NALF1: variants seen among roughly 807,000 people sequenced by gnomAD.
NALF1 encodes the protein NALCN channel auxiliary factor 1, also known as family with sequence similarity 155 member A.
NALF1 carries 3 observed loss-of-function variants against 48.4 expected under a neutral mutation model. That is an observed-to-expected ratio of 0.06 (90% CI 0.03 to 0.16). The LOEUF is 0.16. Ranked by LOEUF, NALF1 falls within the 10% of genes least tolerant of loss-of-function variation. The pLI is 1.00. For synonymous variants in NALF1, 262 were observed against 245.7 expected, an observed-to-expected ratio of 1.07 and a Z score of -0.62; for missense variants, 526 against 571.5, an observed-to-expected ratio of 0.92 and a Z score of 0.81.
chr13:107,768,085 CTTTGGCCTGTCACTTCAA>C (rs1877467784), intron 1 of NALF1, among the ~76,000 whole-genome samples: 4 of 152,096 alleles, frequency 2.6e-5, no homozygotes, highest in African/African-American at 9.7e-5. Flanking sequence ...GTCTTGTGTC[CTTTGGCCTGTCACTTCAA>C]TCGTCTGAGG....
intron 1 of NALF1, among the ~76,000 whole-genome samples, chr13:107,356,720 A>C (rs1417928398): frequency 6.6e-6 from 1 of 152,180 alleles, no homozygotes; most frequent in Admixed American, 6.5e-5. Context: ...AGTTTTTTGA[A>C]GTTTATGATT....
At chr13:107,274,303 G>C (rs1420294357) in intron 1 of NALF1, among the ~76,000 whole-genome samples, 1 of 152,120 alleles carries the variant, frequency 6.6e-6, no homozygotes, top group Non-Finnish European at 1.5e-5. Flanking sequence ...CAAGATGGTG[G>C]CTCACACCTG....
intron 1 of NALF1, among the ~76,000 whole-genome samples, chr13:107,545,767 C>T (rs117012936): frequency 0.019 from 2,849 of 151,988 alleles, 45 homozygotes; most frequent in Non-Finnish European, 0.025. Context: ...ATAGGCAGTG[C>T]GAGATGGTAT....
chr13:107,544,976 C>T (rs946731967), intron 1 of NALF1, among the ~76,000 whole-genome samples: 3 of 152,170 alleles, frequency 2.0e-5, no homozygotes, highest in Non-Finnish European at 4.4e-5. Context: ...CAGTGACACA[C>T]TGTGCTGAAT....
At chr13:107,241,021 C>T (rs967812872) in intron 1 of NALF1, among the ~76,000 whole-genome samples, 5 of 138,036 alleles carry the variant, frequency 3.6e-5, no homozygotes, top group African/African-American at 1.1e-4. Flanking sequence ...TGAGACCAGC[C>T]TGGCCAACGT....
chr13:107,239,738 C>G (rs1880428605), intron 1 of NALF1, among the ~76,000 whole-genome samples: 1 of 152,114 alleles, frequency 6.6e-6, no homozygotes, highest in Admixed American at 6.5e-5. Context: ...ACATAGTGGT[C>G]TAGAGCTCAG....
chr13:107,866,873 T>G lies in NALF1; in HGVS notation c.-277A>C. 2 of 454,720 alleles carry G rather than the reference T, an allele frequency of 4.4e-6. No homozygotes were observed. Among genetic ancestry groups the G allele is most frequent in the African/African-American group, 2.0e-5 (1 of 49,436 alleles). The allele number at this position is 454,720 out of a possible 1,614,324, so 28.2% of individuals were successfully genotyped here. ...GCTTCCTAATCATCAGCCGACCCCA[T>G]CCTCTGTAGAGTGGGAAACAATAAT... On this transcript the variant is annotated 5_prime_UTR_variant, in exon 1 of 3. An upstream start codon of the reference 5' UTR is lost. Coordinates refer to ENST00000375915, the MANE Select transcript of NALF1 (RefSeq NM_001080396.3). This position sits in a 1 kb window ranked among gnomAD's most constrained non-coding sequence, Gnocchi z 4.4.
intron 1 of NALF1, among the ~76,000 whole-genome samples, chr13:107,323,497 T>G (rs957134898): frequency 6.6e-6 from 1 of 152,150 alleles, no homozygotes; most frequent in Non-Finnish European, 1.5e-5. Flanking sequence ...CACCTCAAAT[T>G]TTTTTTCTCT....
chr13:107,504,409 GTAAA>G (rs1351293573), intron 1 of NALF1, among the ~76,000 whole-genome samples: 3 of 152,060 alleles, frequency 2.0e-5, no homozygotes, highest in Admixed American at 6.6e-5. Context: ...TTTTTGTTAA[GTAAA>G]TAGATTTAAG....
intron 1 of NALF1, among the ~76,000 whole-genome samples, chr13:107,573,446 T>A (rs988994590): frequency 3.9e-5 from 6 of 152,080 alleles, no homozygotes; most frequent in Non-Finnish European, 7.4e-5. Context: ...CTGCACCAAA[T>A]ATACCTCTCT....
intron 1 of NALF1, among the ~76,000 whole-genome samples, chr13:107,491,271 A>G (rs549542173): frequency 3.3e-4 from 50 of 152,358 alleles, no homozygotes; most frequent in African/African-American, 1.1e-3. Flanking sequence ...GGTCACATAG[A>G]AATGACTTTG....
chr13:107,721,939 T>C (rs1157822251), intron 1 of NALF1, among the ~76,000 whole-genome samples: 3 of 152,210 alleles, frequency 2.0e-5, no homozygotes, highest in Admixed American at 6.5e-5. Context: ...TGTTTATTCA[T>C]ACATGCTGGC....
At chr13:107,793,366 G>C (rs536699676) in intron 1 of NALF1, among the ~76,000 whole-genome samples, 31 of 152,194 alleles carry the variant, frequency 2.0e-4, no homozygotes, top group African/African-American at 7.5e-4. Flanking sequence ...AACTGGTTAT[G>C]ATGCAAGAAT....
At chr13:107,216,018 T>G (rs1566453991) in intron 1 of NALF1, among the ~76,000 whole-genome samples, 1 of 152,196 alleles carries the variant, frequency 6.6e-6, no homozygotes, top group Non-Finnish European at 1.5e-5. Context: ...TGTCAGATAT[T>G]AAAAATGGTT....
chr13:107,262,769 G>GCGCGCTCTCTCT (rs36027059), intron 1 of NALF1, among the ~76,000 whole-genome samples: 1 of 144,034 alleles, frequency 6.9e-6, no homozygotes, highest in East Asian at 2.1e-4. Flanking sequence ...ACCCACAGGC[G>GCGCGCTCTCTCT]CTCTCTCTCT....
chr13:107,280,815 T>G (rs555582606), intron 1 of NALF1, among the ~76,000 whole-genome samples: 1 of 152,224 alleles, frequency 6.6e-6, no homozygotes, highest in Non-Finnish European at 1.5e-5. Context: ...ACTATGAGAT[T>G]ATACACTTTT....
intron 1 of NALF1, among the ~76,000 whole-genome samples, chr13:107,797,857 T>A (rs372312064): frequency 1.5e-4 from 23 of 152,330 alleles, no homozygotes; most frequent in African/African-American, 5.1e-4. Flanking sequence ...ATACTTTTTG[T>A]TATTTTTCTA....
rs1875426286 is a variant in NALF1, at chr13:107,707,354, A to C, written c.915+158328T>G. Among the ~76,000 whole-genome samples the C allele has an allele frequency of 3.3e-5, 5 of 152,328 alleles. No individual in the cohort carries two copies. In the South Asian group the frequency reaches 1.0e-3, roughly 32 times the overall value. The stretch of plus-strand genomic sequence containing the variant: ...CCAATATAAGTGGTAAAGGGATTTA[A>C]GTAGATTTTATGTGCAATAGGACTT... On this transcript the variant is annotated intron_variant, in intron 1 of 2. Coordinates refer to ENST00000375915, the MANE Select transcript of NALF1 (RefSeq NM_001080396.3).
At chr13:107,680,683 AAT>A (rs1491288000) in intron 1 of NALF1, among the ~76,000 whole-genome samples, 1 of 151,574 alleles carries the variant, frequency 6.6e-6, no homozygotes, top group East Asian at 1.9e-4. Flanking sequence ...CAAATGTAAG[AAT>A]GTGTGTGTGT....
Sources: gnomAD v4.1 joint callset for allele counts (sites outside exome capture counted in the v4.1 genomes callset) on GRCh38, gnomAD v4.1.1 for gene constraint, Gnocchi (gnomAD v3.1) non-coding constraint, MANE v1.5 for transcripts, NCBI Gene and HGNC (gene_info 2026-07-23, HGNC 2026-07-21) for gene names.